HPSE2: variants seen among roughly 807,000 people sequenced by gnomAD.
HPSE2 encodes heparanase 2 (inactive).
A neutral mutation model predicts 60.5 loss-of-function variants in HPSE2; 38 were observed. The observed-to-expected ratio is 0.63, with a 90% CI of 0.48 to 0.82. The LOEUF (loss-of-function observed/expected upper bound fraction) is 0.82, where lower values mean the gene tolerates loss of function less well. Ranked by LOEUF, HPSE2 falls within the 40% of genes least tolerant of loss-of-function variation. HPSE2 has a pLI of 0.00. For synonymous variants in HPSE2, 295 were observed against 293.2 expected (o/e 1.01, Z -0.06); for missense variants, 713 against 740.4 (o/e 0.96, Z 0.43).
At chr10:98,657,229 C>A (rs1947095344) in intron 6 of HPSE2, among the ~76,000 whole-genome samples, 1 of 145,048 alleles carries the variant, frequency 6.9e-6, no homozygotes, top group African/African-American at 2.5e-5. Flanking sequence ...AAAAAGCATT[C>A]AATAATTCCC....
At chr10:98,727,421 C>T (rs1949114565) in intron 4 of HPSE2, among the ~76,000 whole-genome samples, 1 of 152,098 alleles carries the variant, frequency 6.6e-6, no homozygotes, top group Non-Finnish European at 1.5e-5. Context: ...GAGGCCAAGG[C>T]AGATGGATCA....
chr10:98,611,186 G>A (rs906501709), intron 9 of HPSE2, among the ~76,000 whole-genome samples: 1 of 152,240 alleles, frequency 6.6e-6, no homozygotes, highest in Non-Finnish European at 1.5e-5. Context: ...CATAGCAGGA[G>A]GTGGGTGGCA....
At chr10:98,558,081 AAATC>A (rs1944064464) in intron 9 of HPSE2, among the ~76,000 whole-genome samples, 1 of 152,326 alleles carries the variant, frequency 6.6e-6, no homozygotes, top group East Asian at 1.9e-4. Context: ...ATATAAAACA[AAATC>A]AACACCACTA....
At chr10:99,291,408 AC>A in the HPSE2 span, among the ~76,000 whole-genome samples, 3 of 152,054 alleles carry the variant, frequency 2.0e-5, no homozygotes, top group Non-Finnish European at 4.4e-5. Context: ...ACATGATGAA[AC>A]CCCATCTCTA....
At chr10:99,050,873 C>A (rs1283020954) in intron 3 of HPSE2, among the ~76,000 whole-genome samples, 1 of 151,952 alleles carries the variant, frequency 6.6e-6, no homozygotes, top group Non-Finnish European at 1.5e-5. Context: ...GTTAGTCAAA[C>A]GGTACAATGT....
chr10:98,982,884 T>C (rs1333180482), intron 3 of HPSE2, among the ~76,000 whole-genome samples: 1 of 152,248 alleles, frequency 6.6e-6, no homozygotes, highest in East Asian at 1.9e-4. Context: ...GGCTGATCAC[T>C]TGAATTACTT....
intron 3 of HPSE2, among the ~76,000 whole-genome samples, chr10:98,825,613 G>C (rs1284595281): frequency 1.3e-5 from 2 of 151,442 alleles, no homozygotes; most frequent in South Asian, 2.1e-4. Flanking sequence ...CCGGGGTTGG[G>C]GGGGCGGGGG....
chr10:99,154,322 G>A lies in HPSE2; in HGVS notation c.449-9923C>T, dbSNP rs201360590. Among the ~76,000 whole-genome samples, 107 of 120,554 alleles carry A rather than the reference G, an allele frequency of 8.9e-4. 1 individual carries two copies. In the East Asian group the frequency reaches 0.026, roughly 29 times the overall value. 79.1% of individuals were successfully genotyped at this position (120,554 alleles called of 152,430 possible). A position where few individuals can be genotyped will look rare whatever the true frequency, so the allele number is the denominator to read the frequency against. ...TTGTCAGATTCACCAAAGTTGAAAT[G>A]AAGGAAAAAATGTTAAGGGCAGCCA... is the stretch of plus-strand genomic sequence containing the variant. On this transcript the variant is annotated intron_variant, in intron 2 of 11. Transcript: ENST00000370552.
chr10:98,651,421 C>T lies in HPSE2; in HGVS notation c.1005-9481G>A, dbSNP rs201942955. Among the ~76,000 whole-genome samples the T allele has an allele frequency of 2.0e-5, 3 of 152,276 alleles. No homozygotes were observed. In the East Asian group the frequency reaches 5.8e-4, roughly 29 times the overall value. ...TAATATTTGAAACTGATAGATGACT[C>T]AGTTAAATTTATTCAGCTAATAGGA... On this transcript the variant is annotated intron_variant, in intron 6 of 11. Coordinates refer to ENST00000370552, the MANE Select transcript of HPSE2 (RefSeq NM_021828.5).
chr10:98,807,025 C>T (rs1182204670), intron 3 of HPSE2, among the ~76,000 whole-genome samples: 1 of 152,118 alleles, frequency 6.6e-6, no homozygotes, highest in East Asian at 1.9e-4. Context: ...CATCTGTAAT[C>T]CCAGCTATTT....
chr10:98,761,714 C>T (rs1010936270), intron 3 of HPSE2, among the ~76,000 whole-genome samples: 1 of 152,070 alleles, frequency 6.6e-6, no homozygotes, highest in African/African-American at 2.4e-5. Context: ...GACCTAAGAA[C>T]TCCGAAAAGT....
chr10:98,622,255 T>C (rs1946093877), intron 7 of HPSE2, among the ~76,000 whole-genome samples: 1 of 152,098 alleles, frequency 6.6e-6, no homozygotes, highest in Non-Finnish European at 1.5e-5. Flanking sequence ...ACAATATTAC[T>C]TATAAAATTG....
chr10:99,153,054 A>C (rs1482486452), intron 2 of HPSE2, among the ~76,000 whole-genome samples: 6 of 152,210 alleles, frequency 3.9e-5, no homozygotes, highest in Admixed American at 2.0e-4. Context: ...CGGCTTAAAA[A>C]ACTGCGCACC....
At chr10:98,827,633 T>C (rs530445744) in intron 3 of HPSE2, among the ~76,000 whole-genome samples, 10 of 152,322 alleles carry the variant, frequency 6.6e-5, no homozygotes, top group African/African-American at 2.4e-4. Flanking sequence ...GGGGAAACAG[T>C]AATGGTAGTT....
intron 3 of HPSE2, among the ~76,000 whole-genome samples, chr10:98,751,270 G>A (rs916817052): frequency 2.0e-5 from 3 of 152,000 alleles, no homozygotes; most frequent in Non-Finnish European, 4.4e-5. Context: ...CAAATTGATG[G>A]CCCCCTCTAA....
chr10:98,641,866 T>C lies in HPSE2; in HGVS notation c.1079A>G (p.Gln360Arg). ...KTRLLDTLSDQIRKIQKVVNT... is the reference protein window; with the variant it reads ...KTRLLDTLSDRIRKIQKVVNT... ...ACTCACTTTCTGAATTTTCCTAATCTGGTCAGAGAGTGTGTCTAACAGGCG... is the reference window on the plus strand; with the variant it reads ...ACTCACTTTCTGAATTTTCCTAATCCGGTCAGAGAGTGTGTCTAACAGGCG... Residue 360 changes from glutamine to arginine, a missense_variant, in exon 7 of 12, where the codon CAG (glutamine) becomes CGG (arginine). By Grantham distance (43) the Gln-to-Arg change is conservative (BLOSUM62 1). Coordinates refer to ENST00000370552, the MANE Select transcript of HPSE2 (RefSeq NM_021828.5). 1 of 1,613,566 alleles carries C rather than the reference T, an allele frequency of 6.2e-7. No individual in the cohort carries two copies. Among genetic ancestry groups the C allele is most frequent in the African/African-American group, 1.3e-5 (1 of 75,020 alleles).
chr10:98,666,475 A>G (rs898544211), intron 6 of HPSE2, among the ~76,000 whole-genome samples: 29 of 152,286 alleles, frequency 1.9e-4, no homozygotes, highest in African/African-American at 6.7e-4. Context: ...CAACCACAGC[A>G]TATACATTTT....
chr10:98,717,488 A>G (rs1483627697), intron 5 of HPSE2, among the ~76,000 whole-genome samples: 2 of 152,106 alleles, frequency 1.3e-5, no homozygotes, highest in East Asian at 3.8e-4. Context: ...TTAAAGTGAG[A>G]GACATGTAAG....
intron 11 of HPSE2, among the ~76,000 whole-genome samples, chr10:98,480,402 CA>C (rs1282873604): frequency 6.6e-6 from 1 of 152,094 alleles, no homozygotes; most frequent in Non-Finnish European, 1.5e-5. Context: ...ACATTCTTAA[CA>C]AAGTTGTAAC....
Sources: allele counts gnomAD v4.1 joint callset (sites outside exome capture counted in the v4.1 genomes callset), GRCh38; gene constraint gnomAD v4.1.1; transcripts MANE v1.5; gene names NCBI Gene and HGNC (gene_info 2026-07-23, HGNC 2026-07-21).